ADGRB2: variants seen among roughly 807,000 people sequenced by gnomAD.
The protein encoded by ADGRB2 is brain-specific angiogenesis inhibitor 2.
ADGRB2 carries 47 observed loss-of-function variants against 178.7 expected under a neutral mutation model. That is an observed-to-expected ratio of 0.26 (90% CI 0.21 to 0.34). The LOEUF (loss-of-function observed/expected upper bound fraction) is 0.34. Among genes scored for constraint, ADGRB2 ranks in the 10% least tolerant of loss-of-function variants. The pLI, the probability that ADGRB2 is intolerant of heterozygous loss-of-function variation, is 1.00. For missense variants in ADGRB2, 1,584 were observed against 2,180.8 expected (o/e 0.73, Z 5.45); for synonymous variants, 870 against 912.4 (o/e 0.95, Z 0.84).
intron 25 of ADGRB2, among the ~76,000 whole-genome samples, chr1:31,734,965 C>G (rs1002639764): frequency 6.6e-6 from 1 of 152,084 alleles, no homozygotes; most frequent in Admixed American, 6.5e-5. Flanking sequence ...CAAGGGTGGG[C>G]GAAGGAACCG....
intron 4 of ADGRB2, among the ~76,000 whole-genome samples, chr1:31,749,107 G>A (rs965450344): frequency 7.2e-5 from 11 of 152,156 alleles, no homozygotes; most frequent in Non-Finnish European, 1.6e-4. Flanking sequence ...CTAAGCCCCT[G>A]GTCCTTGCCC....
In ADGRB2 at chr1:31,737,701, A is replaced by G; in HGVS notation, c.2827T>C (p.Ser943Pro). ...SVPLVIGCAV[S>P]CMALLTLLAI... Reference sequence around the variant, plus strand: ...AGCAGGGTGAGCAGCGCCATGCACGACACTGCACAGCCGATCACCAGGGGG... The same window carrying G: ...AGCAGGGTGAGCAGCGCCATGCACGGCACTGCACAGCCGATCACCAGGGGG... The change falls in exon 19 of 33, where the codon TCG becomes CCG. Residue 943 changes from serine (S) to proline (P), a missense_variant. By Grantham distance (74) the Ser-to-Pro change is moderately conservative. Coordinates refer to ENST00000373658, the MANE Select transcript of ADGRB2 (RefSeq NM_001364857.2). 6.2e-7 allele frequency: 1 copy of G among 1,613,716 alleles called. No homozygotes were observed. The highest frequency in any genetic ancestry group is 8.5e-7 in the Non-Finnish European group (1 of 1,180,014).
chr1:31,758,093 G>A lies in ADGRB2; in HGVS notation c.-190-582C>T, dbSNP rs563153796. ...CTGCCCAGAAAATGGAACCTAGCGC[G>A]TGGTCTGAATCAGCCCCACTTCCAA... On this transcript the variant is annotated intron_variant, in intron 1 of 32. Transcript: ENST00000373658. This position sits in a 1 kb window ranked among gnomAD's most constrained non-coding sequence, Gnocchi z 4.2. 3.9e-5 allele frequency among the ~76,000 whole-genome samples: 6 copies of A among 152,262 alleles called. No individual in the cohort carries two copies. Among genetic ancestry groups the A allele is most frequent in the African/African-American group, 1.2e-4 (5 of 41,554 alleles).
rs751060023 is a variant in ADGRB2, at chr1:31,741,389, C to T, written c.1778G>A (p.Arg593His). The change falls in exon 11 of 33, where the codon CGC becomes CAC. Residue 593 changes from arginine (R) to histidine (H), a missense_variant. By Grantham distance (29) the Arg-to-His change is conservative. Transcript: ENST00000373658. This position sits in a 1 kb window ranked among gnomAD's most constrained non-coding sequence, Gnocchi z 6.5. ...SFARCISHEY[R>H]YLYLSLREHL... ...TGCACTCACTGACAGATACAGGTAG[C>T]GGTACTCATGGGAGATGCAGCGAGC... 15 of 1,603,864 alleles carry T rather than the reference C, an allele frequency of 9.4e-6. No individual in the cohort carries two copies. The highest frequency in any genetic ancestry group is 1.3e-5 in the Non-Finnish European group (15 of 1,175,566).
chr1:31,746,080 T>C lies in ADGRB2; in HGVS notation c.839-1349A>G, dbSNP rs147822648. Among the ~76,000 whole-genome samples, 540 of 152,268 alleles carry C rather than the reference T, an allele frequency of 3.5e-3. 3 individuals carry two copies. Among genetic ancestry groups the C allele is most frequent in the African/African-American group, 0.012 (516 of 41,552 alleles). Reference sequence around the variant, plus strand: ...CTGGATCCCAAATGGGGTGTGGACATTGACCAGCTGTGTGGCCTCGGGCAT... The same window carrying C: ...CTGGATCCCAAATGGGGTGTGGACACTGACCAGCTGTGTGGCCTCGGGCAT... On this transcript the variant is annotated intron_variant, in intron 4 of 32. Transcript: ENST00000373658.
At position 31,754,602 on chromosome 1, in the gene ADGRB2, G is replaced by A. The variant is rs551047856; in HGVS notation, c.838+1397C>T. Among the ~76,000 whole-genome samples, 17 of 152,350 alleles carry A rather than the reference G, an allele frequency of 1.1e-4. No homozygotes were observed. The highest frequency in any genetic ancestry group is 4.1e-4 in the South Asian group (2 of 4,830). On this transcript the variant is annotated intron_variant, in intron 4 of 32. Coordinates refer to ENST00000373658, the MANE Select transcript of ADGRB2 (RefSeq NM_001364857.2). The surrounding 1 kb of genome is among the most constrained non-coding windows in gnomAD (Gnocchi z 5.7). ...TGTCACTCGGACGGCTTCATTGACC[G>A]CCGTTAGAGGCCAAGCTAGCCTGGG...
Position 31,749,500 on chromosome 1 carries a change from C to T in ADGRB2, c.839-4769G>A, listed in dbSNP as rs77227546. 9.2e-3 allele frequency among the ~76,000 whole-genome samples: 1,395 copies of T among 152,362 alleles called. 18 individuals are homozygous for T. Among genetic ancestry groups the T allele is most frequent in the African/African-American group, 0.032 (1,329 of 41,586 alleles). ...TGTACCCTTGGGCAAGACACCTCATCTCTCTGAGCTTCAGATTCTCTGAAG... is the reference window on the plus strand; with the variant it reads ...TGTACCCTTGGGCAAGACACCTCATTTCTCTGAGCTTCAGATTCTCTGAAG... On this transcript the variant is annotated intron_variant, in intron 4 of 32. Coordinates refer to ENST00000373658, the MANE Select transcript of ADGRB2 (RefSeq NM_001364857.2).
Position 31,764,303 on chromosome 1 carries a change from C to A in ADGRB2, c.-610G>T. ...TGCCGCCGAACCCGGTTCCTCCGGC[C>A]GCTCCGGCCGCTGCCCGCAGCGCGC... is the stretch of plus-strand genomic sequence containing the variant. On this transcript the variant is annotated 5_prime_UTR_variant, in exon 1 of 33. Coordinates refer to ENST00000373658, the MANE Select transcript of ADGRB2 (RefSeq NM_001364857.2). This position sits in a 1 kb window ranked among gnomAD's most constrained non-coding sequence, Gnocchi z 7.3. The A allele has an allele frequency of 6.4e-6, 1 of 155,552 alleles. No individual in the cohort carries two copies. Among genetic ancestry groups the A allele is most frequent in the South Asian group, 1.9e-4 (1 of 5,202 alleles). 9.6% of individuals were successfully genotyped at this position (155,552 alleles called of 1,614,324 possible).
At position 31,735,866 on chromosome 1, in the gene ADGRB2, C is replaced by G. The variant is rs1645578520; in HGVS notation, c.3228G>C (p.Leu1076=). ...CTGCAGGGCCCACAAAGGCGTAGAG[C>G]AGGCCGCCCTCCAGGGAGAGCCAGC... ...SYCWLSLEGG[L]LYAFVGPAAV... The change falls in exon 23 of 33, where the codon CTG becomes CTC. Residue 1076 remains leucine (L), a synonymous_variant. Coordinates refer to ENST00000373658, the MANE Select transcript of ADGRB2 (RefSeq NM_001364857.2). The surrounding 1 kb of genome is among the most constrained non-coding windows in gnomAD (Gnocchi z 6.0). The G allele has an allele frequency of 1.9e-6, 3 of 1,606,144 alleles. No individual in the cohort carries two copies. The highest frequency in any genetic ancestry group is 1.1e-5 in the South Asian group (1 of 89,784).
Position 31,755,903 on chromosome 1 carries a change from C to T in ADGRB2, c.838+96G>A. 1 of 1,484,730 alleles carries T rather than the reference C, an allele frequency of 6.7e-7. No individual in the cohort carries two copies. The highest frequency in any genetic ancestry group is 2.3e-5 in the East Asian group (1 of 43,760). 92.0% of individuals were successfully genotyped at this position (1,484,730 alleles called of 1,614,324 possible). ...TCAGCAGAGGGGTGACATCAGTGAA[C>T]AGCTACATGCATGGCCGAGGATCTG... is the stretch of plus-strand genomic sequence containing the variant. On this transcript the variant is annotated intron_variant, in intron 4 of 32. Transcript: ENST00000373658. This position sits in a 1 kb window ranked among gnomAD's most constrained non-coding sequence, Gnocchi z 5.1.
In ADGRB2 at chr1:31,737,774, C is replaced by G. The variant is rs770420905; in HGVS notation, c.2773-19G>C. On this transcript the variant is annotated intron_variant, in intron 18 of 32. Transcript: ENST00000373658. Reference sequence around the variant, plus strand: ...CCAGGGTCTGGGGAAGATGGGCAGACAGTCAGATGGGTTCCTGGGAGGGGG... The same window carrying G: ...CCAGGGTCTGGGGAAGATGGGCAGAGAGTCAGATGGGTTCCTGGGAGGGGG... 1.2e-6 allele frequency: 2 copies of G among 1,610,322 alleles called. No individual in the cohort carries two copies. Among genetic ancestry groups the G allele is most frequent in the South Asian group, 2.2e-5 (2 of 90,938 alleles).
chr1:31,744,380 G>A lies in ADGRB2; in HGVS notation c.923-23C>T. Reference sequence around the variant, plus strand: ...CGCCTACGAGAGAGGGACAGCGTCGGCGGCAGGGGGCACCTCCCAAGCACT... The same window carrying A: ...CGCCTACGAGAGAGGGACAGCGTCGACGGCAGGGGGCACCTCCCAAGCACT... On this transcript the variant is annotated intron_variant, in intron 5 of 32. Coordinates refer to ENST00000373658, the MANE Select transcript of ADGRB2 (RefSeq NM_001364857.2). The surrounding 1 kb of genome is among the most constrained non-coding windows in gnomAD (Gnocchi z 6.7). The A allele has an allele frequency of 1.9e-6, 3 of 1,547,050 alleles. No individual in the cohort carries two copies. The highest frequency in any genetic ancestry group is 2.1e-4 in the Middle Eastern group (1 of 4,810).
Position 31,736,258 on chromosome 1 carries a change from G to A in ADGRB2, c.3200+63C>T, listed in dbSNP as rs2148920142. The A allele has an allele frequency of 5.1e-6, 8 of 1,573,238 alleles. 1 individual carries two copies. The South Asian group carries it at 8.0e-5, about 16-fold the overall frequency. On this transcript the variant is annotated intron_variant, in intron 22 of 32. Transcript: ENST00000373658. ...GCATGGGCTAGGATTTCAGCCAGCT[G>A]CCCAGTCCGATTCCCTAACAGATCC... is the stretch of plus-strand genomic sequence containing the variant.
At chr1:31,738,807 G>A (rs780912788) in intron 16 of ADGRB2, 25 bp downstream of exon 16, 39 of 1,612,222 alleles carry the variant, frequency 2.4e-5, no homozygotes, top group African/African-American at 6.7e-5. Flanking sequence ...GTGCACCCAA[G>A]GTCTCTGCAT....
chr1:31,738,695 T>C, intron 16 of ADGRB2, 65 bp from the exon 17 acceptor site: 3 of 1,602,976 alleles, frequency 1.9e-6, no homozygotes, highest in Non-Finnish European at 2.6e-6. Context: ...CCACTGCCCA[T>C]GCCATGGGGG....
Position 31,727,644 on chromosome 1 carries a change from T to C in ADGRB2, c.4573-39A>G. Reference sequence around the variant, plus strand: ...GGGAGGGGCCGTGGAGATGGGCCAATATCCTTACCCATTGTACAGACGATC... The same window carrying C: ...GGGAGGGGCCGTGGAGATGGGCCAACATCCTTACCCATTGTACAGACGATC... On this transcript the variant is annotated intron_variant, in intron 32 of 32. Transcript: ENST00000373658. The surrounding 1 kb of genome is among the most constrained non-coding windows in gnomAD (Gnocchi z 4.4). 6.9e-7 allele frequency: 1 copy of C among 1,456,070 alleles called. No individual in the cohort carries two copies. The highest frequency in any genetic ancestry group is 9.0e-7 in the Non-Finnish European group (1 of 1,107,722). The allele number at this position is 1,456,070 out of a possible 1,614,324, so 90.2% of individuals were successfully genotyped here.
Position 31,727,665 on chromosome 1 carries a change from C to T in ADGRB2, c.4573-60G>A, listed in dbSNP as rs1021050850. On this transcript the variant is annotated intron_variant, in intron 32 of 32. Coordinates refer to ENST00000373658, the MANE Select transcript of ADGRB2 (RefSeq NM_001364857.2). This position sits in a 1 kb window ranked among gnomAD's most constrained non-coding sequence, Gnocchi z 4.4. ...CCAATATCCTTACCCATTGTACAGA[C>T]GATCAAACTGAGGAGTCCCAGAGAG... 3.9e-5 allele frequency: 55 copies of T among 1,421,182 alleles called. No individual in the cohort carries two copies. Among genetic ancestry groups the T allele is most frequent in the East Asian group, 5.1e-5 (2 of 39,128 alleles). 88.0% of individuals were successfully genotyped at this position (1,421,182 alleles called of 1,614,324 possible). A position where few individuals can be genotyped will look rare whatever the true frequency, so the allele number is the denominator to read the frequency against.
At chr1:31,729,256 T>C (rs572070370) in intron 29 of ADGRB2, among the ~76,000 whole-genome samples, 1 of 152,228 alleles carries the variant, frequency 6.6e-6, no homozygotes, top group African/African-American at 2.4e-5. Flanking sequence ...CAAGGCCAAC[T>C]TTCCCAGGTT....
rs1171357030 is a variant in ADGRB2, at chr1:31,728,644, G to A, written c.4381-11C>T. ...CCGTAATTTCTTTCGCTGGGAAGGAGCAACAAGGAGGCAATGGAGGAGAAG... is the reference window on the plus strand; with the variant it reads ...CCGTAATTTCTTTCGCTGGGAAGGAACAACAAGGAGGCAATGGAGGAGAAG... On this transcript the variant is annotated splice_polypyrimidine_tract_variant and intron_variant, in intron 29 of 32. Transcript: ENST00000373658. The surrounding 1 kb of genome is among the most constrained non-coding windows in gnomAD (Gnocchi z 6.7). 1.9e-6 allele frequency: 3 copies of A among 1,613,886 alleles called. No individual in the cohort carries two copies. The highest frequency in any genetic ancestry group is 2.2e-5 in the South Asian group (2 of 91,078).
Sources: gnomAD v4.1 joint callset for allele counts (sites outside exome capture counted in the v4.1 genomes callset) on GRCh38, gnomAD v4.1.1 for gene constraint, Gnocchi (gnomAD v3.1) non-coding constraint, MANE v1.5 for transcripts, NCBI Gene and HGNC (gene_info 2026-07-23, HGNC 2026-07-21) for gene names.